The following DAPK1 variants were observed in gnomAD, a reference collection of about 807,000 sequenced individuals.
DAPK1 encodes death-associated protein kinase 1.
In DAPK1, 56 loss-of-function variants were observed where a neutral mutation model predicts 144.9. That is an observed-to-expected ratio of 0.39 (90% CI 0.31 to 0.48). DAPK1 has a LOEUF of 0.48. DAPK1 is among the 20% of genes least tolerant of loss of function. DAPK1 has a pLI of 0.95. For missense variants in DAPK1, 1,454 were observed against 1,875.4 expected, an observed-to-expected ratio of 0.78 and a Z score of 4.15; for synonymous variants, 690 against 749.0, an observed-to-expected ratio of 0.92 and a Z score of 1.29.
At chr9:87,519,474 T>C (rs1398266886) in intron 2 of DAPK1, among the ~76,000 whole-genome samples, 2 of 152,188 alleles carry the variant, frequency 1.3e-5, no homozygotes, top group Non-Finnish European at 2.9e-5. Context: ...GAGAGTAGTT[T>C]ACCCAAACCT....
chr9:87,579,557 C>T (rs1456666361), intron 2 of DAPK1, among the ~76,000 whole-genome samples: 2 of 152,054 alleles, frequency 1.3e-5, no homozygotes, highest in African/African-American at 2.4e-5. Context: ...AGTTGCTCTA[C>T]GTTGGGAATA....
intron 2 of DAPK1, among the ~76,000 whole-genome samples, chr9:87,562,594 TATA>T (rs1392752574): frequency 6.6e-6 from 1 of 152,240 alleles, no homozygotes; most frequent in Non-Finnish European, 1.5e-5. Flanking sequence ...TAGAGAATTC[TATA>T]ATATTTTTAT....
Position 87,629,780 on chromosome 9 carries a change from A to T in DAPK1, c.285-8163A>T, listed in dbSNP as rs557842559. ...ATTTTCCAAAGATGGCTTCAGTGTTATCTGCTGTCCTACCTATAGGGCCAA... is the reference window on the plus strand; with the variant it reads ...ATTTTCCAAAGATGGCTTCAGTGTTTTCTGCTGTCCTACCTATAGGGCCAA... On this transcript the variant is annotated intron_variant, in intron 3 of 25. Transcript: ENST00000408954. 2.6e-5 allele frequency among the ~76,000 whole-genome samples: 4 copies of T among 152,300 alleles called. No individual in the cohort carries two copies. The South Asian group carries it at 8.3e-4, about 32-fold the overall frequency.
intron 18 of DAPK1, among the ~76,000 whole-genome samples, chr9:87,666,107 T>C (rs1587826939): frequency 6.6e-6 from 1 of 152,218 alleles, no homozygotes; most frequent in East Asian, 1.9e-4. Flanking sequence ...GTTAGGGCAA[T>C]TCTCAGCTCT....
chr9:87,542,963 T>C lies in DAPK1; in HGVS notation c.62+43824T>C, dbSNP rs533676289. Reference sequence around the variant, plus strand: ...TCATAGGTAGCATGTCTTTTTACCATTAATTAGCGTACTATAGACTGCATG... The same window carrying C: ...TCATAGGTAGCATGTCTTTTTACCACTAATTAGCGTACTATAGACTGCATG... On this transcript the variant is annotated intron_variant, in intron 2 of 25. Coordinates refer to ENST00000408954, the MANE Select transcript of DAPK1 (RefSeq NM_004938.4). Among the ~76,000 whole-genome samples the C allele has an allele frequency of 2.0e-5, 3 of 152,334 alleles. No individual in the cohort carries two copies. The East Asian group carries it at 5.8e-4, about 29-fold the overall frequency.
chr9:87,571,817 T>C (rs544466519), intron 2 of DAPK1, among the ~76,000 whole-genome samples: 3 of 152,322 alleles, frequency 2.0e-5, no homozygotes, highest in East Asian at 3.9e-4. Context: ...GTGGTGCCTC[T>C]GTGTCCCCTG....
At chr9:87,638,688 C>T (rs1296872833) in intron 4 of DAPK1, among the ~76,000 whole-genome samples, 5 of 152,116 alleles carry the variant, frequency 3.3e-5, no homozygotes, top group East Asian at 1.9e-4. Context: ...GGTAAAGCAG[C>T]GCGTGCTCCA....
intron 10 of DAPK1, among the ~76,000 whole-genome samples, chr9:87,642,728 T>C (rs935322200): frequency 3.9e-5 from 6 of 152,158 alleles, no homozygotes; most frequent in Non-Finnish European, 8.8e-5. Context: ...CACCTACCAA[T>C]TTTGGGGTGC....
chr9:87,656,457 T>G (rs1440989849), intron 17 of DAPK1, among the ~76,000 whole-genome samples: 1 of 152,182 alleles, frequency 6.6e-6, no homozygotes, highest in African/African-American at 2.4e-5. Flanking sequence ...CAAAATTACA[T>G]CTCCCTTACA....
intron 19 of DAPK1, among the ~76,000 whole-genome samples, chr9:87,669,987 T>A (rs1831201948): frequency 6.6e-6 from 1 of 152,098 alleles, no homozygotes; most frequent in Non-Finnish European, 1.5e-5. Context: ...AGTCTCCCCT[T>A]TGTCCTGGAA....
intron 25 of DAPK1, among the ~76,000 whole-genome samples, chr9:87,703,516 C>G (rs1195525344): frequency 6.6e-6 from 1 of 152,096 alleles, no homozygotes; most frequent in Non-Finnish European, 1.5e-5. Flanking sequence ...CTCTTCACTC[C>G]CCCTGGGCAC....
rs562320919 is a variant in DAPK1, at chr9:87,702,209, G to A, written c.2872-820G>A. On this transcript the variant is annotated intron_variant, in intron 24 of 25. Transcript: ENST00000408954. The stretch of plus-strand genomic sequence containing the variant: ...AGAGTGGAATTTAGCTGACACAAAA[G>A]AATTTGAGAGGGGAGTGCGGAATTA... Among the ~76,000 whole-genome samples, 155 of 152,332 alleles carry A rather than the reference G, an allele frequency of 1.0e-3. 2 individuals carry two copies. The highest frequency in any genetic ancestry group is 3.4e-3 in the African/African-American group (140 of 41,578).
intron 2 of DAPK1, among the ~76,000 whole-genome samples, chr9:87,575,078 G>A (rs1350168852): frequency 1.3e-5 from 2 of 151,750 alleles, no homozygotes; most frequent in African/African-American, 4.8e-5. Context: ...AAATTAGCCA[G>A]GCGTAGTGGT....
chr9:87,659,256 A>G (rs1158182785), intron 18 of DAPK1, among the ~76,000 whole-genome samples: 2 of 152,122 alleles, frequency 1.3e-5, no homozygotes, highest in Non-Finnish European at 2.9e-5. Context: ...CTTTCTCTGC[A>G]GGCCCAGTTA....
intron 20 of DAPK1, among the ~76,000 whole-genome samples, chr9:87,682,904 G>A (rs1314285860): frequency 1.3e-5 from 2 of 151,984 alleles, no homozygotes; most frequent in African/African-American, 2.4e-5. Flanking sequence ...CCTGCATAAG[G>A]AATTCACAGG....
At chr9:87,549,207 T>C (rs1449945755) in intron 2 of DAPK1, among the ~76,000 whole-genome samples, 1 of 152,172 alleles carries the variant, frequency 6.6e-6, no homozygotes, top group Admixed American at 6.6e-5. Flanking sequence ...TTTCTGTTCC[T>C]GTGTTAGTTT....
In DAPK1 at chr9:87,647,379, A is replaced by G. The variant is rs992274881; in HGVS notation, c.1305A>G (p.Lys435=). The change falls in exon 14 of 26, where the codon AAA becomes AAG. Residue 435 remains lysine, a synonymous_variant. Transcript: ENST00000408954. ...CCTTGAAATTTCTCAGTGAGAACAA[A>G]TGCCCTTTGGATGTGAAAGACAAGG... ...VDTLKFLSEN[K]CPLDVKDKSG... The G allele has an allele frequency of 6.2e-7, 1 of 1,614,180 alleles. No homozygotes were observed. The highest frequency in any genetic ancestry group is 1.3e-5 in the African/African-American group (1 of 75,038).
At chr9:87,632,484 G>C (rs1829732314) in intron 3 of DAPK1, 1 of 979,982 alleles carries the variant, frequency 1.0e-6, no homozygotes, top group Non-Finnish European at 1.2e-6. Flanking sequence ...AGGGTGATCA[G>C]TATATATGTA....
intron 1 of DAPK1, among the ~76,000 whole-genome samples, 188 bp downstream of exon 1, chr9:87,498,295 G>C (rs889669547): frequency 6.6e-6 from 1 of 152,212 alleles, no homozygotes; most frequent in African/African-American, 2.4e-5. Flanking sequence ...CCGCGGGCCG[G>C]GTGAGAACAG....
Sources: allele counts gnomAD v4.1 joint callset (sites outside exome capture counted in the v4.1 genomes callset), GRCh38; gene constraint gnomAD v4.1.1; transcripts MANE v1.5; gene names NCBI Gene and HGNC (gene_info 2026-07-23, HGNC 2026-07-21).